Variants in SLC6A17 observed in about 807,000 individuals in gnomAD.
The protein encoded by SLC6A17 is sodium-dependent neutral amino acid transporter SLC6A17.
Under a neutral mutation model 64.5 loss-of-function variants are expected in SLC6A17, and 21 were observed. The ratio of observed to expected loss-of-function variants is 0.33; its 90% confidence interval spans 0.23 to 0.47. The LOEUF (loss-of-function observed/expected upper bound fraction) is 0.47. Among genes scored for constraint, SLC6A17 ranks in the 20% least tolerant of loss-of-function variants. The probability of loss-of-function intolerance (pLI) is 1.00; values close to 1 mark genes in which losing one functional copy is unlikely to be tolerated. For synonymous variants in SLC6A17, 372 were observed against 399.5 expected (o/e 0.93, Z 0.82); for missense variants, 682 against 963.2 (o/e 0.71, Z 3.86).
chr1:110,186,783 G>A (rs1427357778), intron 6 of SLC6A17, among the ~76,000 whole-genome samples: 1 of 152,236 alleles, frequency 6.6e-6, no homozygotes, highest in Admixed American at 6.5e-5. Flanking sequence ...AAAGGAAGAC[G>A]AGACACATAA....
chr1:110,189,716 C>A (rs1219801683), intron 6 of SLC6A17, among the ~76,000 whole-genome samples: 1 of 152,188 alleles, frequency 6.6e-6, no homozygotes, highest in African/African-American at 2.4e-5. Flanking sequence ...CACCCTGGCA[C>A]CTTCCATTCC....
intron 8 of SLC6A17, among the ~76,000 whole-genome samples, chr1:110,193,323 T>A (rs1215950205): frequency 6.6e-6 from 1 of 152,218 alleles, no homozygotes; most frequent in African/African-American, 2.4e-5. Flanking sequence ...CCATGATGAC[T>A]CTTAGACTTT....
chr1:110,183,016 C>T (rs1656575324), intron 6 of SLC6A17, among the ~76,000 whole-genome samples: 1 of 152,032 alleles, frequency 6.6e-6, no homozygotes, highest in Admixed American at 6.6e-5. Context: ...CATCATACAC[C>T]ACTGGTGGGA....
chr1:110,198,652 A>C lies in SLC6A17; in HGVS notation c.*208A>C. 1 of 808,120 alleles carries C rather than the reference A, an allele frequency of 1.2e-6. No homozygotes were observed. The highest frequency in any genetic ancestry group is 1.8e-6 in the Non-Finnish European group (1 of 546,238). The allele number at this position is 808,120 out of a possible 1,614,324, so 50.1% of individuals were successfully genotyped here. ...AGGCTGGGAGCAGCTCTGTTTCCTA[A>C]TTCAGGACCCCACTCATCTAGCCCT... On this transcript the variant is annotated 3_prime_UTR_variant, in exon 12 of 12. Coordinates refer to ENST00000331565, the MANE Select transcript of SLC6A17 (RefSeq NM_001010898.4).
rs78403667 is a variant in SLC6A17, at chr1:110,195,410, G to A, written c.1493-176G>A. Reference sequence around the variant, plus strand: ...TCAGGTGCTCCCCGACTAGTAGAGCGGGGCTCAGAACCTGAGCATCTGGAT... The same window carrying A: ...TCAGGTGCTCCCCGACTAGTAGAGCAGGGCTCAGAACCTGAGCATCTGGAT... On this transcript the variant is annotated intron_variant, in intron 9 of 11. Transcript: ENST00000331565. Among the ~76,000 whole-genome samples, 935 of 152,344 alleles carry A rather than the reference G, an allele frequency of 6.1e-3. 12 individuals are homozygous for A. The highest frequency in any genetic ancestry group is 0.021 in the African/African-American group (886 of 41,574).
At chr1:110,171,779 T>TC (rs1656231276) in intron 2 of SLC6A17, among the ~76,000 whole-genome samples, 1 of 152,128 alleles carries the variant, frequency 6.6e-6, no homozygotes, top group African/African-American at 2.4e-5. Context: ...CAGTGCAATG[T>TC]CTGTCTGTTT....
At chr1:110,162,705 A>C (rs1213712212) in intron 1 of SLC6A17, among the ~76,000 whole-genome samples, 1 of 152,178 alleles carries the variant, frequency 6.6e-6, no homozygotes, top group African/African-American at 2.4e-5. Context: ...ACATGGCTTC[A>C]GGGAACTGGG....
At chr1:110,161,969 C>T (rs370248659) in intron 1 of SLC6A17, among the ~76,000 whole-genome samples, 3 of 152,220 alleles carry the variant, frequency 2.0e-5, no homozygotes, top group Admixed American at 1.3e-4. Flanking sequence ...CAAGAAGATT[C>T]GCAGTTCACT....
rs117460310 is a variant in SLC6A17 at position 110,184,775 on chromosome 1, G to C, written c.865-7197G>C. ...GAGGAACACACCCACACATATTCAC[G>C]TGCGTGTATGTATATGTGTATGTAA... On this transcript the variant is annotated intron_variant, in intron 6 of 11. Transcript: ENST00000331565. 1.1e-4 allele frequency among the ~76,000 whole-genome samples: 17 copies of C among 152,244 alleles called. No homozygotes were observed. In the East Asian group the frequency reaches 2.9e-3, roughly 26 times the overall value.
intron 1 of SLC6A17, among the ~76,000 whole-genome samples, chr1:110,163,294 G>C (rs1274605086): frequency 6.6e-6 from 1 of 152,052 alleles, no homozygotes; most frequent in East Asian, 1.9e-4. Flanking sequence ...GGTGGTGCAG[G>C]ATGCTTCTCT....
At chr1:110,153,519 A>ATGTGTGTGTG (rs3222731) in intron 1 of SLC6A17, among the ~76,000 whole-genome samples, 1,485 of 137,328 alleles carry the variant, frequency 0.011, 14 homozygotes, top group South Asian at 0.017. Context: ...GCTACTGGAA[A>ATGTGTGTGTG]TGTGTGTGTG....
In SLC6A17 at chr1:110,181,645, G is replaced by A. The variant is rs191862580; in HGVS notation, c.864+4906G>A. On this transcript the variant is annotated intron_variant, in intron 6 of 11. Coordinates refer to ENST00000331565, the MANE Select transcript of SLC6A17 (RefSeq NM_001010898.4). ...CAGAGAAAGGAGGTTTAGGGCATTCGGTGAGAAGAGTTGCAATTATGGACA... is the reference window on the plus strand; with the variant it reads ...CAGAGAAAGGAGGTTTAGGGCATTCAGTGAGAAGAGTTGCAATTATGGACA... 2.6e-3 allele frequency among the ~76,000 whole-genome samples: 399 copies of A among 152,346 alleles called. 2 individuals carry two copies. The highest frequency in any genetic ancestry group is 9.1e-3 in the African/African-American group (379 of 41,582).
At chr1:110,151,601 G>C (rs1428821939) in intron 1 of SLC6A17, among the ~76,000 whole-genome samples, 2 of 152,190 alleles carry the variant, frequency 1.3e-5, no homozygotes, top group Non-Finnish European at 2.9e-5. Context: ...AGCGATGCTG[G>C]ATGCTCGCAG....
At position 110,198,206 on chromosome 1, in the gene SLC6A17, A is replaced by G; in HGVS notation, c.1946A>G (p.Asn649Ser). 4 of 1,614,116 alleles carry G rather than the reference A, an allele frequency of 2.5e-6. No individual in the cohort carries two copies. The highest frequency in any genetic ancestry group is 2.2e-5 in the East Asian group (1 of 44,882). ...TTCCACCTGCTCTCTGATGGCTCCA[A>G]CACCCTCTCCGTGTCCTACAAGAAG... ...RHFHLLSDGS[N>S]TLSVSYKKGR... Residue 649 changes from asparagine to serine, a missense_variant, in exon 12 of 12, where the codon AAC (asparagine) becomes AGC (serine). Around this residue, in one of 3 missense-constraint regions of SLC6A17, gnomAD observed 264 missense variants for 339.5 expected, o/e 0.78. Coordinates refer to ENST00000331565, the MANE Select transcript of SLC6A17 (RefSeq NM_001010898.4).
At chr1:110,151,496 A>G (rs1222959367) in intron 1 of SLC6A17, among the ~76,000 whole-genome samples, 1 of 152,242 alleles carries the variant, frequency 6.6e-6, no homozygotes, top group Non-Finnish European at 1.5e-5. Context: ...TGGCTGAGAC[A>G]GGGGACGTGC....
chr1:110,198,139 G>A lies in SLC6A17; in HGVS notation c.1879G>A (p.Val627Met), dbSNP rs541534335. The change falls in exon 12 of 12, where the codon GTG (valine) becomes ATG (methionine). Residue 627 changes from valine to methionine, a missense_variant. This residue lies in a region of SLC6A17 where 264 missense variants were observed against 339.5 expected (regional missense o/e 0.78). Transcript: ENST00000331565. ...GGCACTCCTGATCACCCTCATCGTC[G>A]TGGCGACGCTGCCCATCCCTGTGGT... ...AMALLITLIV[V>M]ATLPIPVVFV... 31 of 1,613,998 alleles carry A rather than the reference G, an allele frequency of 1.9e-5. No homozygotes were observed. Among genetic ancestry groups the A allele is most frequent in the South Asian group, 1.8e-4 (16 of 91,062 alleles).
chr1:110,178,157 C>A (rs193041196), intron 6 of SLC6A17: 4 of 152,306 alleles, frequency 2.6e-5, no homozygotes, highest in Non-Finnish European at 5.9e-5. Flanking sequence ...TTTCTAGAAC[C>A]ATGATCAGTC....
intron 6 of SLC6A17, among the ~76,000 whole-genome samples, chr1:110,188,582 T>C (rs891215899): frequency 6.6e-6 from 1 of 152,108 alleles, no homozygotes; most frequent in African/African-American, 2.4e-5. Context: ...AGCTGCCCCA[T>C]CCTGTCCTCC....
At chr1:110,155,341 A>G (rs189384925) in intron 1 of SLC6A17, among the ~76,000 whole-genome samples, 5 of 152,330 alleles carry the variant, frequency 3.3e-5, no homozygotes, top group East Asian at 1.9e-4. Flanking sequence ...TAAAAAATAC[A>G]TAGTTAGACG....
Sources: gnomAD v4.1 joint callset for allele counts (sites outside exome capture counted in the v4.1 genomes callset) on GRCh38, gnomAD v4.1.1 for gene constraint, gnomAD v4.1.1 regional missense constraint, MANE v1.5 for transcripts, NCBI Gene and HGNC (gene_info 2026-07-23, HGNC 2026-07-21) for gene names.